The following SCML4 variants were observed in gnomAD, a reference collection of about 807,000 sequenced individuals.
SCML4 encodes Scm polycomb group protein like 4.
Under a neutral mutation model 41.1 loss-of-function variants are expected in SCML4, and 34 were observed. That is an observed-to-expected ratio of 0.83 (90% CI 0.63 to 1.10). SCML4 has a LOEUF of 1.10. SCML4 is among the 50% of genes least tolerant of loss of function. The pLI is 0.00. For synonymous variants in SCML4, 214 were observed against 220.9 expected, an observed-to-expected ratio of 0.97 and a Z score of 0.28; for missense variants, 522 against 534.1, an observed-to-expected ratio of 0.98 and a Z score of 0.22.
In SCML4 at chr6:107,797,810, C is replaced by A. The variant is rs542176721; in HGVS notation, c.-59-25424G>T. ...AGAAACTTTCTTCTATTCTTAGTAT[C>A]CTAAGAGGTTTTTTTAATCGTGAAC... On this transcript the variant is annotated intron_variant, in intron 1 of 7. Transcript: ENST00000369020. 7.9e-5 allele frequency among the ~76,000 whole-genome samples: 12 copies of A among 151,714 alleles called. No homozygotes were observed. The South Asian group carries it at 1.5e-3, about 18-fold the overall frequency.
rs9386659 is a variant in SCML4 at position 107,708,693 on chromosome 6, A to T, written c.974-682T>A. ...CAGAGCATTTGCCCGGGTCTCCCCC[A>T]CTGCACTGTGAACTCCCTGACCGCA... On this transcript the variant is annotated intron_variant, in intron 6 of 7. Transcript: ENST00000369020. Among the ~76,000 whole-genome samples the T allele has an allele frequency of 1.6e-3, 247 of 152,124 alleles. 9 individuals carry two copies. The East Asian group carries it at 0.04, about 25-fold the overall frequency.
chr6:107,844,930 T>C, the SCML4 span, among the ~76,000 whole-genome samples: 37 of 59,356 alleles, frequency 6.2e-4, no homozygotes, highest in South Asian at 0.04. Context: ...TTTAAATATG[T>C]ATATTAAAAA....
At chr6:107,776,081 C>T (rs976621710) in intron 1 of SCML4, among the ~76,000 whole-genome samples, 4 of 151,856 alleles carry the variant, frequency 2.6e-5, no homozygotes, top group Non-Finnish European at 4.4e-5. Flanking sequence ...TGTATGTTCT[C>T]GGAATGGGGA....
chr6:107,746,604 C>A, intron 4 of SCML4, 85 bp downstream of exon 4: 1 of 1,229,322 alleles, frequency 8.1e-7, no homozygotes, highest in Admixed American at 1.9e-5. Context: ...CCTGGCCACA[C>A]CTGCTGTCTC....
intron 5 of SCML4, among the ~76,000 whole-genome samples, chr6:107,739,656 A>G (rs1319082286): frequency 1.3e-5 from 2 of 152,216 alleles, no homozygotes; most frequent in African/African-American, 4.8e-5. Context: ...AACAAAAAAA[A>G]ACCTCCACCC....
At chr6:107,738,976 C>T (rs1291905975) in intron 5 of SCML4, among the ~76,000 whole-genome samples, 1 of 152,142 alleles carries the variant, frequency 6.6e-6, no homozygotes, top group Non-Finnish European at 1.5e-5. Context: ...CCAAGCAGCC[C>T]CTTCAAATTC....
At chr6:107,772,085 T>C (rs1393939539) in intron 2 of SCML4, 87 bp downstream of exon 2, 13 of 1,208,368 alleles carry the variant, frequency 1.1e-5, no homozygotes, top group Non-Finnish European at 1.5e-5. Flanking sequence ...GCTCCCAACC[T>C]CTAGTGGCAT....
At chr6:107,747,333 A>G (rs1459058447) in intron 3 of SCML4, among the ~76,000 whole-genome samples, 2 of 152,198 alleles carry the variant, frequency 1.3e-5, no homozygotes, top group African/African-American at 2.4e-5. Context: ...AGATGCCACT[A>G]TCACTCCAGA....
rs535576616 is a variant in SCML4 at position 107,763,962 on chromosome 6, C to A, written c.156+8210G>T. Among the ~76,000 whole-genome samples, 5 of 152,344 alleles carry A rather than the reference C, an allele frequency of 3.3e-5. No individual in the cohort carries two copies. The South Asian group carries it at 1.0e-3, about 32-fold the overall frequency. ...AAGACTAGCTTTGTCCATGTCCCTGCCCATAGTTTTCCTTGTGGACACATT... is the reference window on the plus strand; with the variant it reads ...AAGACTAGCTTTGTCCATGTCCCTGACCATAGTTTTCCTTGTGGACACATT... On this transcript the variant is annotated intron_variant, in intron 2 of 7. Coordinates refer to ENST00000369020, the MANE Select transcript of SCML4 (RefSeq NM_198081.5).
At chr6:107,721,224 T>A (rs1276604280) in intron 5 of SCML4, among the ~76,000 whole-genome samples, 1 of 152,184 alleles carries the variant, frequency 6.6e-6, no homozygotes, top group East Asian at 1.9e-4. Flanking sequence ...GGTGTGCTCC[T>A]CGGTGCTTAG....
In SCML4 at chr6:107,739,330, G is replaced by A. The variant is rs547497691; in HGVS notation, c.682+5619C>T. ...AGAGAACAAAGCCACCTGACCTGCT[G>A]TCATATACTGGAACATAAAATCACA... On this transcript the variant is annotated intron_variant, in intron 5 of 7. Coordinates refer to ENST00000369020, the MANE Select transcript of SCML4 (RefSeq NM_198081.5). Among the ~76,000 whole-genome samples, 3 of 151,834 alleles carry A rather than the reference G, an allele frequency of 2.0e-5. No homozygotes were observed. The South Asian group carries it at 6.3e-4, about 32-fold the overall frequency.
At chr6:107,780,971 TA>T in intron 1 of SCML4, among the ~76,000 whole-genome samples, 1 of 151,612 alleles carries the variant, frequency 6.6e-6, no homozygotes, top group African/African-American at 2.4e-5. Context: ...GTTTTTTTTT[TA>T]TATTCAAAAG....
At chr6:107,753,599 C>T (rs1368229324) in intron 2 of SCML4, among the ~76,000 whole-genome samples, 6 of 151,962 alleles carry the variant, frequency 3.9e-5, no homozygotes, top group African/African-American at 9.7e-5. Flanking sequence ...AACTCAATAA[C>T]GGTAAATTTT....
At chr6:107,758,031 T>C (rs146826157) in intron 2 of SCML4, among the ~76,000 whole-genome samples, 3 of 152,300 alleles carry the variant, frequency 2.0e-5, no homozygotes, top group East Asian at 3.9e-4. Flanking sequence ...CCAAGTGGCA[T>C]CATTTAAGCC....
chr6:107,763,310 G>A (rs1416081336), intron 2 of SCML4, among the ~76,000 whole-genome samples: 1 of 151,930 alleles, frequency 6.6e-6, no homozygotes, highest in Non-Finnish European at 1.5e-5. Flanking sequence ...GTTGGAGGTG[G>A]AGCCTTTGGG....
chr6:107,790,335 C>T (rs1483876547), intron 1 of SCML4, among the ~76,000 whole-genome samples: 1 of 152,086 alleles, frequency 6.6e-6, no homozygotes, highest in Non-Finnish European at 1.5e-5. Flanking sequence ...GTTTGATTGA[C>T]TCATAGAAAG....
At chr6:107,796,887 C>T (rs746544992) in intron 1 of SCML4, among the ~76,000 whole-genome samples, 4 of 152,036 alleles carry the variant, frequency 2.6e-5, no homozygotes, top group Admixed American at 6.5e-5. Context: ...TCACTCTTTC[C>T]GCATATGGAT....
intron 2 of SCML4, among the ~76,000 whole-genome samples, chr6:107,770,826 T>C (rs1453155250): frequency 6.6e-6 from 1 of 152,124 alleles, no homozygotes; most frequent in Non-Finnish European, 1.5e-5. Context: ...AAAGGCCAAA[T>C]AGGAGACAGA....
intron 1 of SCML4, among the ~76,000 whole-genome samples, chr6:107,784,823 C>A (rs1442988302): frequency 2.6e-5 from 4 of 152,240 alleles, no homozygotes; most frequent in Non-Finnish European, 5.9e-5. Context: ...GGGGGCTGCA[C>A]TCATCACGGC....
Sources: gnomAD v4.1 joint callset for allele counts (sites outside exome capture counted in the v4.1 genomes callset) on GRCh38, gnomAD v4.1.1 for gene constraint, MANE v1.5 for transcripts, NCBI Gene and HGNC (gene_info 2026-07-23, HGNC 2026-07-21) for gene names.